Variants in FGGY observed in about 807,000 individuals in gnomAD.
FGGY encodes FGGY carbohydrate kinase domain-containing protein.
A neutral mutation model predicts 71.3 loss-of-function variants in FGGY; 72 were observed. That is an observed-to-expected ratio of 1.01 (90% CI 0.84 to 1.23). The LOEUF (loss-of-function observed/expected upper bound fraction) is 1.23, where lower values mean the gene tolerates loss of function less well. FGGY is among the 50% of genes most tolerant of loss of function. The pLI, the probability that FGGY is intolerant of heterozygous loss-of-function variation, is 0.00. For missense variants in FGGY, 668 were observed against 682.3 expected (o/e 0.98, Z 0.23); for synonymous variants, 251 against 250.3 (o/e 1.00, Z -0.02).
chr1:59,658,505 G>C (rs560895979), intron 11 of FGGY, among the ~76,000 whole-genome samples: 1 of 152,246 alleles, frequency 6.6e-6, no homozygotes, highest in East Asian at 1.9e-4. Flanking sequence ...AGGAATCCCC[G>C]CATCAACAGA....
intron 14 of FGGY, among the ~76,000 whole-genome samples, chr1:59,732,324 A>C (rs1558936888): frequency 6.6e-6 from 1 of 152,194 alleles, no homozygotes; most frequent in Non-Finnish European, 1.5e-5. Context: ...TACAGCTAAA[A>C]TTAGGCCTCT....
chr1:59,515,163 C>T (rs536809132), intron 7 of FGGY, among the ~76,000 whole-genome samples: 63 of 152,228 alleles, frequency 4.1e-4, no homozygotes, highest in Admixed American at 1.3e-3. Flanking sequence ...CCTCTTGCAT[C>T]AGTGTGACTT....
At chr1:59,325,722 A>G (rs74085541) in intron 2 of FGGY, among the ~76,000 whole-genome samples, 1 of 152,190 alleles carries the variant, frequency 6.6e-6, no homozygotes, top group Non-Finnish European at 1.5e-5. Context: ...GACAAAATCC[A>G]ATCTAGCATT....
intron 6 of FGGY, among the ~76,000 whole-genome samples, chr1:59,509,127 G>A (rs1048475499): frequency 5.3e-5 from 8 of 152,188 alleles, no homozygotes; most frequent in Non-Finnish European, 8.8e-5. Flanking sequence ...TCTGGCAGCT[G>A]TCTGCTGACT....
intron 1 of FGGY, among the ~76,000 whole-genome samples, chr1:59,307,712 C>G (rs6587853): frequency 0.23 from 35,692 of 152,084 alleles, 4,354 homozygotes; most frequent in East Asian, 0.43. Context: ...TCATGTGAAG[C>G]TACATATTGA....
intron 5 of FGGY, among the ~76,000 whole-genome samples, chr1:59,400,205 G>T (rs548795628): frequency 6.6e-6 from 1 of 152,192 alleles, no homozygotes; most frequent in Non-Finnish European, 1.5e-5. Context: ...GAATTGGGCT[G>T]CAGGCCACTG....
chr1:59,411,849 T>C lies in FGGY; in HGVS notation c.554+33012T>C, dbSNP rs59020026. 2.7e-3 allele frequency among the ~76,000 whole-genome samples: 410 copies of C among 152,292 alleles called. 1 individual carries two copies. Among genetic ancestry groups the C allele is most frequent in the African/African-American group, 9.6e-3 (397 of 41,562 alleles). ...TCTTTTTTAAGGCATTTTTGCTTTC[T>C]GGTGCCAGAAGATACCACTTTGTGC... On this transcript the variant is annotated intron_variant, in intron 5 of 15. Transcript: ENST00000303721.
intron 4 of FGGY, among the ~76,000 whole-genome samples, chr1:59,347,467 A>T (rs962073962): frequency 2.6e-4 from 39 of 151,984 alleles, no homozygotes; most frequent in Non-Finnish European, 4.4e-4. Context: ...CATGGTGTAT[A>T]TGTGCCACAT....
chr1:59,306,392 T>G (rs1374647243), intron 1 of FGGY, among the ~76,000 whole-genome samples: 1 of 152,152 alleles, frequency 6.6e-6, no homozygotes, highest in East Asian at 1.9e-4. Context: ...TAATTTTCAA[T>G]AAAAGAACTA....
At chr1:59,672,715 T>C (rs2097392938) in intron 13 of FGGY, among the ~76,000 whole-genome samples, 1 of 152,074 alleles carries the variant, frequency 6.6e-6, no homozygotes, top group Admixed American at 6.5e-5. Flanking sequence ...GTAGAGAGAG[T>C]GTCTTCTCAG....
chr1:59,405,158 T>C (rs959305821), intron 5 of FGGY, among the ~76,000 whole-genome samples: 1 of 152,328 alleles, frequency 6.6e-6, no homozygotes, highest in East Asian at 1.9e-4. Flanking sequence ...TGCCTTAAAC[T>C]TTAATTAGAA....
At chr1:59,627,780 G>A (rs2096873651) in intron 10 of FGGY, among the ~76,000 whole-genome samples, 1 of 152,036 alleles carries the variant, frequency 6.6e-6, no homozygotes, top group Admixed American at 6.5e-5. Context: ...ACAAGGAATT[G>A]TCAAGGTACA....
intron 9 of FGGY, among the ~76,000 whole-genome samples, chr1:59,610,206 A>G (rs1213997691): frequency 6.6e-6 from 1 of 152,044 alleles, no homozygotes; most frequent in Non-Finnish European, 1.5e-5. Flanking sequence ...ATGCATTAGC[A>G]ATGTGTCCTA....
At chr1:59,727,339 A>G (rs1016238714) in intron 14 of FGGY, among the ~76,000 whole-genome samples, 14 of 152,172 alleles carry the variant, frequency 9.2e-5, no homozygotes, top group Admixed American at 6.5e-5. Context: ...TATGAATAGC[A>G]TGGCAATGAA....
At chr1:59,722,108 A>G (rs1415888225) in intron 14 of FGGY, among the ~76,000 whole-genome samples, 1 of 151,392 alleles carries the variant, frequency 6.6e-6, no homozygotes, top group Non-Finnish European at 1.5e-5. Context: ...TGACCTTGAC[A>G]TTTTTGAGGA....
intron 2 of FGGY, among the ~76,000 whole-genome samples, chr1:59,333,875 G>A (rs1490354148): frequency 1.3e-5 from 2 of 152,214 alleles, no homozygotes; most frequent in Non-Finnish European, 2.9e-5. Context: ...TATTCACTTG[G>A]TACTGTGGGT....
At chr1:59,507,310 A>G (rs2094411399) in intron 6 of FGGY, among the ~76,000 whole-genome samples, 1 of 152,232 alleles carries the variant, frequency 6.6e-6, no homozygotes, top group South Asian at 2.1e-4. Context: ...CAGTGTGTTT[A>G]CAAATCCAGT....
chr1:59,380,672 T>A (rs1283607860), intron 5 of FGGY, among the ~76,000 whole-genome samples: 3 of 151,594 alleles, frequency 2.0e-5, no homozygotes, highest in Non-Finnish European at 2.9e-5. Flanking sequence ...GTTTGAGTTC[T>A]TTGTAGATTC....
intron 4 of FGGY, among the ~76,000 whole-genome samples, chr1:59,369,302 G>A (rs945099485): frequency 3.3e-5 from 5 of 151,850 alleles, no homozygotes; most frequent in South Asian, 2.1e-4. Context: ...ACGGAGTCTC[G>A]CTGATTGCTA....
Sources: gnomAD v4.1 joint callset for allele counts (sites outside exome capture counted in the v4.1 genomes callset) on GRCh38, gnomAD v4.1.1 for gene constraint, MANE v1.5 for transcripts, NCBI Gene and HGNC (gene_info 2026-07-23, HGNC 2026-07-21) for gene names.